ZBTB20: variants seen among roughly 807,000 people sequenced by gnomAD.
ZBTB20 encodes the protein zinc finger and BTB domain-containing protein 20.
A neutral mutation model predicts 56.9 loss-of-function variants in ZBTB20; 9 were observed. The observed-to-expected ratio is 0.16, with a 90% CI of 0.10 to 0.28. The LOEUF is 0.28. ZBTB20 is among the 10% of genes least tolerant of loss of function. The probability of loss-of-function intolerance (pLI) is 1.00; values close to 1 mark genes in which losing one functional copy is unlikely to be tolerated. For synonymous variants in ZBTB20, 417 were observed against 420.7 expected (o/e 0.99, Z 0.11); for missense variants, 655 against 1,003.0 (o/e 0.65, Z 4.69).
chr3:114,805,958 C>T (rs1219612904), intron 4 of ZBTB20, among the ~76,000 whole-genome samples: 27 of 151,988 alleles, frequency 1.8e-4, no homozygotes, highest in Non-Finnish European at 5.9e-5. Flanking sequence ...TACTATTCCA[C>T]TGCATGGATA....
At chr3:115,015,962 C>T (rs553408090) in intron 2 of ZBTB20, among the ~76,000 whole-genome samples, 122 of 151,982 alleles carry the variant, frequency 8.0e-4, no homozygotes, top group Middle Eastern at 3.4e-3. Flanking sequence ...CCTTTTTCTC[C>T]GCAACCTCAC....
intron 2 of ZBTB20, among the ~76,000 whole-genome samples, chr3:115,018,897 T>C (rs1327961277): frequency 6.6e-6 from 1 of 151,334 alleles, no homozygotes; most frequent in Non-Finnish European, 1.5e-5. Flanking sequence ...TTTTCATTTT[T>C]TTGGCTCTTC....
intron 1 of ZBTB20, among the ~76,000 whole-genome samples, chr3:115,096,244 C>T (rs143324711): frequency 3.0e-4 from 46 of 152,240 alleles, no homozygotes; most frequent in Admixed American, 1.3e-3. Context: ...GGAGGGTAAA[C>T]TGTTTCTATG....
chr3:114,411,471 C>A (rs1010726669), intron 7 of ZBTB20, among the ~76,000 whole-genome samples: 1 of 152,192 alleles, frequency 6.6e-6, no homozygotes, highest in African/African-American at 2.4e-5. Flanking sequence ...CAGTAAAAAA[C>A]TGGCATTCCA....
At chr3:114,874,601 C>G (rs1014527778) in intron 4 of ZBTB20, among the ~76,000 whole-genome samples, 1 of 152,180 alleles carries the variant, frequency 6.6e-6, no homozygotes, top group Admixed American at 6.5e-5. Context: ...GAGACCACTG[C>G]CAGCACCAAG....
At chr3:114,857,672 C>A (rs1287443111) in intron 4 of ZBTB20, among the ~76,000 whole-genome samples, 1 of 152,194 alleles carries the variant, frequency 6.6e-6, no homozygotes, top group Admixed American at 6.6e-5. Context: ...GACATAAAAA[C>A]TGCAGAACAG....
intron 7 of ZBTB20, among the ~76,000 whole-genome samples, chr3:114,414,236 T>A (rs940224166): frequency 6.6e-6 from 1 of 152,154 alleles, no homozygotes; most frequent in African/African-American, 2.4e-5. Flanking sequence ...TTTCCTAATC[T>A]AAACTCAGGT....
chr3:114,923,810 A>T (rs1208889652), intron 3 of ZBTB20, among the ~76,000 whole-genome samples: 1 of 152,140 alleles, frequency 6.6e-6, no homozygotes, highest in Non-Finnish European at 1.5e-5. Context: ...TTGCAACTAT[A>T]TATCTGATGA....
At chr3:114,365,177 C>T (rs546770012) in intron 10 of ZBTB20, among the ~76,000 whole-genome samples, 1 of 152,284 alleles carries the variant, frequency 6.6e-6, no homozygotes, top group Admixed American at 6.5e-5. Context: ...TATTCCAAAG[C>T]TGAGTATACA....
chr3:115,128,394 T>C (rs573316039), intron 1 of ZBTB20, among the ~76,000 whole-genome samples: 1 of 152,204 alleles, frequency 6.6e-6, no homozygotes, highest in East Asian at 1.9e-4. Flanking sequence ...CTGCATGTAG[T>C]GACTCACACC....
chr3:114,697,888 A>G (rs2063142396), intron 5 of ZBTB20, among the ~76,000 whole-genome samples: 1 of 152,062 alleles, frequency 6.6e-6, no homozygotes, highest in Admixed American at 6.6e-5. Flanking sequence ...ACTTTTGGTT[A>G]TTGTTCAGCT....
intron 3 of ZBTB20, among the ~76,000 whole-genome samples, chr3:114,917,971 G>T (rs933007552): frequency 6.7e-6 from 1 of 149,844 alleles, no homozygotes; most frequent in Non-Finnish European, 1.5e-5. Flanking sequence ...TCATGGCACC[G>T]AATGCCCCCG....
chr3:114,755,564 T>C (rs902725791), intron 5 of ZBTB20, among the ~76,000 whole-genome samples: 6 of 152,216 alleles, frequency 3.9e-5, no homozygotes, highest in African/African-American at 1.4e-4. Flanking sequence ...AAAATATATA[T>C]GTATTTATTT....
At chr3:115,002,543 C>A (rs139582822) in intron 2 of ZBTB20, among the ~76,000 whole-genome samples, 2 of 151,318 alleles carry the variant, frequency 1.3e-5, no homozygotes, top group African/African-American at 4.8e-5. Flanking sequence ...AAGATCTGAA[C>A]AGACATCTCA....
intron 2 of ZBTB20, among the ~76,000 whole-genome samples, chr3:115,023,907 T>C (rs933509940): frequency 3.3e-5 from 5 of 151,192 alleles, no homozygotes; most frequent in East Asian, 1.9e-4. Context: ...TTCCAACTTA[T>C]ATCTCTTTAT....
intron 6 of ZBTB20, among the ~76,000 whole-genome samples, chr3:114,517,930 T>C (rs1162498709): frequency 6.6e-6 from 1 of 152,126 alleles, no homozygotes; most frequent in Non-Finnish European, 1.5e-5. Flanking sequence ...CTGAAGATAG[T>C]AGAACTGTGG....
rs555481476 is a variant in ZBTB20 at position 114,774,278 on chromosome 3, A to C, written c.-343+26823T>G. Among the ~76,000 whole-genome samples, 6 of 152,360 alleles carry C rather than the reference A, an allele frequency of 3.9e-5. No homozygotes were observed. The South Asian group carries it at 1.2e-3, about 32-fold the overall frequency. ...TATAATGATTTAAAATTCTTATAGA[A>C]ACAGGATAAATGAAGTTAATTTTAT... On this transcript the variant is annotated intron_variant, in intron 5 of 11. Coordinates refer to ENST00000675478, the MANE Select transcript of ZBTB20 (RefSeq NM_001348800.3).
At chr3:114,883,328 A>G (rs757089511) in intron 4 of ZBTB20, among the ~76,000 whole-genome samples, 59 of 152,200 alleles carry the variant, frequency 3.9e-4, no homozygotes, top group Non-Finnish European at 6.8e-4. Flanking sequence ...ATCCCCATGC[A>G]CAAGTACCTC....
At chr3:115,105,632 A>G (rs1162125488) in intron 1 of ZBTB20, among the ~76,000 whole-genome samples, 1 of 152,200 alleles carries the variant, frequency 6.6e-6, no homozygotes, top group African/African-American at 2.4e-5. Context: ...AACTCCATCT[A>G]AAGTACATAC....
Sources: allele counts gnomAD v4.1 joint callset (sites outside exome capture counted in the v4.1 genomes callset), GRCh38; gene constraint gnomAD v4.1.1; transcripts MANE v1.5; gene names NCBI Gene and HGNC (gene_info 2026-07-23, HGNC 2026-07-21).